Variants in PRMT3 observed in about 807,000 individuals in gnomAD.
PRMT3 encodes the protein protein arginine N-methyltransferase 3.
In PRMT3, 62 loss-of-function variants were observed where a neutral mutation model predicts 71.9. That is an observed-to-expected ratio of 0.86 (90% CI 0.70 to 1.07). The LOEUF is 1.07. Ranked by LOEUF, PRMT3 falls within the 50% of genes least tolerant of loss-of-function variation. The probability of loss-of-function intolerance (pLI) is 0.00; values close to 1 mark genes in which losing one functional copy is unlikely to be tolerated. For missense variants in PRMT3, 663 were observed against 643.0 expected, an observed-to-expected ratio of 1.03 and a Z score of -0.34; for synonymous variants, 213 against 220.4, an observed-to-expected ratio of 0.97 and a Z score of 0.30.
chr11:20,390,883 T>C (rs1271184676), intron 3 of PRMT3, among the ~76,000 whole-genome samples: 1 of 152,094 alleles, frequency 6.6e-6, no homozygotes, highest in African/African-American at 2.4e-5. Flanking sequence ...AACCCAACTC[T>C]ACTAAAAATA....
chr11:20,469,542 C>T lies in PRMT3; in HGVS notation c.1347+4996C>T, dbSNP rs558590893. Among the ~76,000 whole-genome samples, 3 of 152,200 alleles carry T rather than the reference C, an allele frequency of 2.0e-5. No homozygotes were observed. In the South Asian group the frequency reaches 6.2e-4, roughly 32 times the overall value. On this transcript the variant is annotated intron_variant, in intron 13 of 15. Coordinates refer to ENST00000331079, the MANE Select transcript of PRMT3 (RefSeq NM_005788.4). ...AGATTACATGCTCACACAAATAACA[C>T]AGGTTGAGTATCTCTTATACAAAAT...
At chr11:20,458,074 A>G (rs1850306825) in intron 11 of PRMT3, among the ~76,000 whole-genome samples, 1 of 152,174 alleles carries the variant, frequency 6.6e-6, no homozygotes, top group Non-Finnish European at 1.5e-5. Context: ...TTTAAAGCTC[A>G]TTTAATTCCC....
At chr11:20,501,765 T>C (rs1229741673) in intron 15 of PRMT3, among the ~76,000 whole-genome samples, 1 of 152,212 alleles carries the variant, frequency 6.6e-6, no homozygotes, top group Non-Finnish European at 1.5e-5. Flanking sequence ...TTACAATTCA[T>C]GTACAGTTTT....
At chr11:20,396,650 G>A (rs763604422) in intron 6 of PRMT3, among the ~76,000 whole-genome samples, 1 of 141,158 alleles carries the variant, frequency 7.1e-6, no homozygotes, top group Non-Finnish European at 1.5e-5. Flanking sequence ...TGGGGTCGGT[G>A]GGGGGGAATC....
At chr11:20,479,457 A>G (rs1434741295) in intron 13 of PRMT3, among the ~76,000 whole-genome samples, 5 of 152,170 alleles carry the variant, frequency 3.3e-5, no homozygotes, top group Non-Finnish European at 7.3e-5. Context: ...AGATAATACT[A>G]AAGAATTATT....
chr11:20,445,629 C>G (rs983083693), intron 10 of PRMT3, among the ~76,000 whole-genome samples: 1 of 152,000 alleles, frequency 6.6e-6, no homozygotes, highest in African/African-American at 2.4e-5. Context: ...GATCATCAGC[C>G]AGGTGAAAAT....
chr11:20,424,141 G>A (rs1037651991), intron 9 of PRMT3, among the ~76,000 whole-genome samples: 2 of 147,130 alleles, frequency 1.4e-5, no homozygotes, highest in Admixed American at 1.4e-4. Flanking sequence ...CCGAGATCGC[G>A]CCACTGCACT....
intron 15 of PRMT3, among the ~76,000 whole-genome samples, chr11:20,495,692 TA>T (rs1186423085): frequency 1.3e-5 from 2 of 152,184 alleles, no homozygotes; most frequent in African/African-American, 4.8e-5. Context: ...CATACCTATA[TA>T]TTTCACTCTA....
At chr11:20,487,100 A>G (rs979404150) in intron 13 of PRMT3, among the ~76,000 whole-genome samples, 1 of 152,098 alleles carries the variant, frequency 6.6e-6, no homozygotes, top group Non-Finnish European at 1.5e-5. Flanking sequence ...TGAAATAAAG[A>G]TATTTTCAGA....
At position 20,473,163 on chromosome 11, in the gene PRMT3, A is replaced by T. The variant is rs557385862; in HGVS notation, c.1347+8617A>T. 2.6e-5 allele frequency among the ~76,000 whole-genome samples: 4 copies of T among 151,374 alleles called. No individual in the cohort carries two copies. In the East Asian group the frequency reaches 7.7e-4, roughly 29 times the overall value. ...ATCTAGCTAGCAGTCTATCGTATTA[A>T]TTTTTTCAAAAAAACAGCTCCTGGA... On this transcript the variant is annotated intron_variant, in intron 13 of 15. Transcript: ENST00000331079.
intron 9 of PRMT3, among the ~76,000 whole-genome samples, chr11:20,424,476 A>C (rs992821075): frequency 6.6e-6 from 1 of 152,230 alleles, no homozygotes; most frequent in African/African-American, 2.4e-5. Context: ...CACTGTTGAT[A>C]GTCTGTCCAA....
At chr11:20,473,081 C>T (rs1223347422) in intron 13 of PRMT3, among the ~76,000 whole-genome samples, 2 of 152,034 alleles carry the variant, frequency 1.3e-5, no homozygotes, top group South Asian at 2.1e-4. Context: ...GTGGAGACCA[C>T]GGTAATATTC....
rs752187918 is a variant in PRMT3, at chr11:20,464,444, T to G, written c.1261-16T>G. The stretch of plus-strand genomic sequence containing the variant: ...ATTTTTACTAAGCTCTTTCTTCACT[T>G]CTTTTTAATGGGTAGCATATAGATT... On this transcript the variant is annotated splice_polypyrimidine_tract_variant and intron_variant, in intron 12 of 15. Coordinates refer to ENST00000331079, the MANE Select transcript of PRMT3 (RefSeq NM_005788.4). The G allele has an allele frequency of 6.3e-7, 1 of 1,576,542 alleles. No individual in the cohort carries two copies. Among genetic ancestry groups the G allele is most frequent in the South Asian group, 1.2e-5 (1 of 83,736 alleles).
intron 13 of PRMT3, among the ~76,000 whole-genome samples, chr11:20,484,125 A>G (rs1357990935): frequency 3.3e-5 from 5 of 152,178 alleles, no homozygotes; most frequent in Admixed American, 1.3e-4. Context: ...CAGTTTCACC[A>G]TTTAGATAGC....
At chr11:20,503,249 A>G in intron 15 of PRMT3, among the ~76,000 whole-genome samples, 1 of 152,060 alleles carries the variant, frequency 6.6e-6, no homozygotes, top group Non-Finnish European at 1.5e-5. Context: ...CTTTTGTACA[A>G]TGTATTGAAT....
At chr11:20,462,218 AGTTCAGCAT>A (rs1169238488) in intron 12 of PRMT3, 51 bp downstream of exon 12, 1 of 1,393,666 alleles carries the variant, frequency 7.2e-7, no homozygotes. Flanking sequence ...TATTTTTCTT[AGTTCAGCAT>A]TTGAAAATAA....
intron 11 of PRMT3, among the ~76,000 whole-genome samples, chr11:20,453,253 G>A (rs2133388746): frequency 6.7e-6 from 1 of 150,334 alleles, no homozygotes; most frequent in South Asian, 2.1e-4. Flanking sequence ...GGCCATGGCA[G>A]GCAGATCACC....
Position 20,444,831 on chromosome 11 carries a change from A to G in PRMT3, c.994-7299A>G, listed in dbSNP as rs189575120. Among the ~76,000 whole-genome samples the G allele has an allele frequency of 2.5e-3, 386 of 152,208 alleles. 1 individual carries two copies. The highest frequency in any genetic ancestry group is 4.2e-3 in the Non-Finnish European group (282 of 67,944). On this transcript the variant is annotated intron_variant, in intron 10 of 15. Coordinates refer to ENST00000331079, the MANE Select transcript of PRMT3 (RefSeq NM_005788.4). ...TCTGTTAATTACTGAAAGAAGAAGA[A>G]TGAAATTTCTACCTATAGTTCAGGG...
rs737184 is a variant in PRMT3, at chr11:20,486,815, G to C, written c.1348-7104G>C. On this transcript the variant is annotated intron_variant, in intron 13 of 15. Coordinates refer to ENST00000331079, the MANE Select transcript of PRMT3 (RefSeq NM_005788.4). ...CTCATGCCTGTAATCCCAGCACTTC[G>C]GCAGGGCGAAGCAGGCAGGTGGCTT... Among the ~76,000 whole-genome samples, 1,069 of 152,160 alleles carry C rather than the reference G, an allele frequency of 7.0e-3. 15 individuals carry two copies. The highest frequency in any genetic ancestry group is 0.024 in the African/African-American group (1,015 of 41,538).
Sources: allele counts gnomAD v4.1 joint callset (sites outside exome capture counted in the v4.1 genomes callset), GRCh38; gene constraint gnomAD v4.1.1; transcripts MANE v1.5; gene names NCBI Gene and HGNC (gene_info 2026-07-23, HGNC 2026-07-21).